CDKL3: variants seen among roughly 807,000 people sequenced by gnomAD.
CDKL3 encodes the protein cyclin dependent kinase like 3.
A neutral mutation model predicts 69.3 loss-of-function variants in CDKL3; 65 were observed. The observed-to-expected ratio is 0.94, with a 90% confidence interval of 0.77 to 1.15. CDKL3 has a LOEUF of 1.15. CDKL3 is among the 50% of genes most tolerant of loss of function. CDKL3 has a pLI of 0.00. For missense variants in CDKL3, 652 were observed against 689.2 expected, an observed-to-expected ratio of 0.95 and a Z score of 0.61; for synonymous variants, 202 against 221.6, an observed-to-expected ratio of 0.91 and a Z score of 0.79.
chr5:134,321,983 G>A (rs1242395752), intron 4 of CDKL3, 80 bp from the exon 5 acceptor site: 1 of 775,648 alleles, frequency 1.3e-6, no homozygotes, highest in Non-Finnish European at 2.1e-6. Context: ...GTTTAAAGAA[G>A]GCCAAGGCTA....
chr5:134,321,070 G>T (rs533781984), intron 5 of CDKL3, among the ~76,000 whole-genome samples: 1 of 142,012 alleles, frequency 7.0e-6, no homozygotes, highest in African/African-American at 2.6e-5. Flanking sequence ...GTGCAGTGGC[G>T]TGATCGTGGC....
At chr5:134,290,286 G>A (rs1245478559) in intron 8 of CDKL3, among the ~76,000 whole-genome samples, 16 of 150,362 alleles carry the variant, frequency 1.1e-4, no homozygotes, top group African/African-American at 3.9e-4. Context: ...CCAGGGAGTC[G>A]GGAAGTTGCA....
intron 6 of CDKL3, among the ~76,000 whole-genome samples, chr5:134,318,753 G>A (rs1771895731): frequency 6.6e-6 from 1 of 151,942 alleles, no homozygotes; most frequent in Admixed American, 6.6e-5. Flanking sequence ...CCAAAGTGCT[G>A]GGATTACACA....
At chr5:134,351,881 A>C (rs57378824) in intron 3 of CDKL3, among the ~76,000 whole-genome samples, 23,563 of 152,178 alleles carry the variant, frequency 0.15, 2,352 homozygotes, top group African/African-American at 0.28. Flanking sequence ...TTAACATTAC[A>C]TCACATACTT....
chr5:134,365,371 C>T (rs1480320968), intron 2 of CDKL3, among the ~76,000 whole-genome samples: 3 of 151,946 alleles, frequency 2.0e-5, no homozygotes, highest in Middle Eastern at 3.2e-3. Flanking sequence ...CCACCCGCCT[C>T]GGCCTCTCAA....
At chr5:134,324,189 A>G (rs1773520554) in intron 4 of CDKL3, among the ~76,000 whole-genome samples, 2 of 152,226 alleles carry the variant, frequency 1.3e-5, no homozygotes. Flanking sequence ...AATACTGACA[A>G]CATCAAATGC....
At chr5:134,332,736 C>T (rs1776109178) in intron 4 of CDKL3, among the ~76,000 whole-genome samples, 1 of 152,168 alleles carries the variant, frequency 6.6e-6, no homozygotes, top group African/African-American at 2.4e-5. Flanking sequence ...GTGATGCCTC[C>T]AGCTTTGTTC....
intron 11 of CDKL3, among the ~76,000 whole-genome samples, chr5:134,303,721 G>C (rs898972647): frequency 6.6e-6 from 1 of 151,600 alleles, no homozygotes; most frequent in African/African-American, 2.4e-5. Flanking sequence ...GTGTTGGTGG[G>C]CACCTGTAGT....
Position 134,365,892 on chromosome 5 carries a change from A to G in CDKL3, c.165+467T>C, listed in dbSNP as rs563228949. On this transcript the variant is annotated intron_variant, in intron 2 of 12. Transcript: ENST00000265334. ...TATCTAAACCCTCCACATCCTTCAAAGCCAAATTCATGTCCCATTTCCTCA... is the reference window on the plus strand; with the variant it reads ...TATCTAAACCCTCCACATCCTTCAAGGCCAAATTCATGTCCCATTTCCTCA... 2.6e-5 allele frequency among the ~76,000 whole-genome samples: 4 copies of G among 152,234 alleles called. No homozygotes were observed. In the East Asian group the frequency reaches 7.7e-4, roughly 29 times the overall value.
At chr5:134,325,562 CA>C (rs1773939107) in intron 4 of CDKL3, among the ~76,000 whole-genome samples, 1 of 152,102 alleles carries the variant, frequency 6.6e-6, no homozygotes, top group Admixed American at 6.5e-5. Context: ...TACAAGTTTA[CA>C]TTTCCCCACC....
At chr5:134,293,665 C>T (rs1254719693), downstream of CDKL3, among the ~76,000 whole-genome samples, 9 of 151,656 alleles carry the variant, frequency 5.9e-5, no homozygotes, top group African/African-American at 1.2e-4. Context: ...CTGGATATGG[C>T]GGTGTACACC....
At chr5:134,315,827 C>A (rs185943340) in intron 6 of CDKL3, among the ~76,000 whole-genome samples, 325 of 152,000 alleles carry the variant, frequency 2.1e-3, no homozygotes, top group African/African-American at 7.4e-3. Flanking sequence ...TCTCAAATAA[C>A]AATAATAATA....
intron 4 of CDKL3, among the ~76,000 whole-genome samples, chr5:134,325,393 A>G (rs952274607): frequency 6.6e-6 from 1 of 152,234 alleles, no homozygotes; most frequent in Non-Finnish European, 1.5e-5. Context: ...AGTAACTTAT[A>G]AGCTTGCTTA....
At chr5:134,326,866 T>TATATAC (rs1561563782) in intron 4 of CDKL3, among the ~76,000 whole-genome samples, 318 of 98,040 alleles carry the variant, frequency 3.2e-3, no homozygotes, top group South Asian at 5.6e-3. Context: ...TATATATATA[T>TATATAC]ACACACACAC....
At chr5:134,285,832 T>G (rs1049331114), downstream of CDKL3, among the ~76,000 whole-genome samples, 1 of 152,236 alleles carries the variant, frequency 6.6e-6, no homozygotes, top group African/African-American at 2.4e-5. Flanking sequence ...GCTTAGAAAT[T>G]TCTTCCACCA....
At chr5:134,365,976 G>C (rs1310209455) in intron 2 of CDKL3, among the ~76,000 whole-genome samples, 2 of 152,034 alleles carry the variant, frequency 1.3e-5, no homozygotes, top group African/African-American at 4.8e-5. Flanking sequence ...TTTATTATGA[G>C]CCACTTTTTA....
At position 134,359,995 on chromosome 5, in the gene CDKL3, C is replaced by A. The variant is rs1384021642; in HGVS notation, c.262G>T (p.Asp88Tyr). 1 of 1,567,558 alleles carries A rather than the reference C, an allele frequency of 6.4e-7. No homozygotes were observed. Reference protein sequence around the residue: ...VFEFIDHTVLDELQHYCHGLE... With the variant: ...VFEFIDHTVLYELQHYCHGLE... ...CCATGACAATAATGTTGTAACTCAT[C>A]TAATACTGTGTGGTCAATAAATTCA... The change falls in exon 3 of 13, where the codon GAT becomes TAT. Residue 88 changes from aspartate (D) to tyrosine (Y), a missense_variant. By Grantham distance (160) the Asp-to-Tyr change is radical. Transcript: ENST00000265334.
rs370787946 is a variant in CDKL3 at position 134,304,408 on chromosome 5, C to A, written c.1618G>T (p.Glu540Ter). The stretch of plus-strand genomic sequence containing the variant: ...AAGCTATGCAACAAATGTGTACCTT[C>A]CATTCCTTTTGTATCTTTTGACTGT... Reference protein sequence around the residue: ...TIQSKDTKGMEVKQIKMLKRE... With the variant: ...TIQSKDTKGM The change falls in exon 11 of 13, where the codon GAA becomes TAA. Residue 540 changes from glutamate to a stop codon, truncating the protein, a stop_gained. Transcript: ENST00000265334. LOFTEE classifies it high-confidence loss of function. 3 of 1,606,962 alleles carry A rather than the reference C, an allele frequency of 1.9e-6. No individual in the cohort carries two copies. Among genetic ancestry groups the A allele is most frequent in the Admixed American group, 3.4e-5 (2 of 58,990 alleles).
intron 8 of CDKL3, among the ~76,000 whole-genome samples, chr5:134,290,602 G>A (rs1056106845): frequency 6.6e-6 from 1 of 152,128 alleles, no homozygotes; most frequent in African/African-American, 2.4e-5. Flanking sequence ...ACTGTGTAGG[G>A]CTGTGTAAGT....
Sources: allele counts gnomAD v4.1 joint callset (sites outside exome capture counted in the v4.1 genomes callset), GRCh38; gene constraint gnomAD v4.1.1; transcripts MANE v1.5; gene names NCBI Gene and HGNC (gene_info 2026-07-23, HGNC 2026-07-21).